DLD: variants seen among roughly 807,000 people sequenced by gnomAD.
DLD encodes dihydrolipoyl dehydrogenase, mitochondrial.
In DLD, 36 loss-of-function variants were observed where a neutral mutation model predicts 62.2. The ratio of observed to expected loss-of-function variants is 0.58; its 90% confidence interval spans 0.44 to 0.76. The LOEUF (loss-of-function observed/expected upper bound fraction) is 0.76. DLD is among the 30% of genes least tolerant of loss of function. DLD has a pLI of 0.00. For synonymous variants in DLD, 204 were observed against 199.6 expected, an observed-to-expected ratio of 1.02 and a Z score of -0.19; for missense variants, 541 against 608.6, an observed-to-expected ratio of 0.89 and a Z score of 1.17.
In DLD at chr7:107,891,185, T is replaced by TGGCGGAGC; in HGVS notation, c.-58_-51dup. 1.3e-6 allele frequency: 2 copies of TGGCGGAGC among 1,598,100 alleles called. No individual in the cohort carries two copies. Among genetic ancestry groups the TGGCGGAGC allele is most frequent in the Non-Finnish European group, 8.6e-7 (1 of 1,166,582 alleles). ...GTGCATGCGCAGGGAGGGGAGACCT[T>TGGCGGAGC]GGCGGAGCGGCGGAGGCGCCCAGCG... is the stretch of plus-strand genomic sequence containing the variant. On this transcript the variant is annotated 5_prime_UTR_variant, in exon 1 of 14. Transcript: ENST00000205402.
chr7:107,903,731 GCCAAGTATAA>G, intron 5 of DLD, 184 bp downstream of exon 5: 1 of 471,580 alleles, frequency 2.1e-6, no homozygotes, highest in Non-Finnish European at 3.9e-6. Flanking sequence ...ATTTCTCCCA[GCCAAGTATAA>G]CCAAGCCTAA....
chr7:107,910,315 G>A (rs746563993), intron 8 of DLD, among the ~76,000 whole-genome samples: 136 of 152,250 alleles, frequency 8.9e-4, no homozygotes, highest in Middle Eastern at 3.4e-3. Flanking sequence ...ATAATATCTC[G>A]AAGCAATAAT....
At chr7:107,894,150 G>A (rs1331388583) in intron 2 of DLD, among the ~76,000 whole-genome samples, 1 of 152,180 alleles carries the variant, frequency 6.6e-6, no homozygotes, top group African/African-American at 2.4e-5. Context: ...ATTTAAAACA[G>A]AAAGTTAATA....
chr7:107,891,545 C>T, intron 1 of DLD: 1 of 597,346 alleles, frequency 1.7e-6, no homozygotes, highest in South Asian at 2.0e-5. Context: ...GGCGGTCACA[C>T]ATGCCACACC....
chr7:107,898,783 G>T (rs1444946908), intron 2 of DLD, among the ~76,000 whole-genome samples: 3 of 148,408 alleles, frequency 2.0e-5, no homozygotes, highest in Admixed American at 1.3e-4. Flanking sequence ...TAGTAGAGAC[G>T]GGGTTTGGTC....
At chr7:107,904,660 C>T (rs1408483798) in intron 5 of DLD, 3 of 498,256 alleles carry the variant, frequency 6.0e-6, no homozygotes, top group Non-Finnish European at 7.8e-6. Flanking sequence ...ACATATCTTC[C>T]AGACTTATAA....
chr7:107,907,679 T>A (rs528768654), intron 8 of DLD, among the ~76,000 whole-genome samples: 1 of 152,360 alleles, frequency 6.6e-6, no homozygotes, highest in African/African-American at 2.4e-5. Context: ...CTTGTATTTT[T>A]CAGTCTTCAA....
intron 3 of DLD, 48 bp from the exon 4 acceptor site, chr7:107,902,277 G>T: frequency 6.6e-7 from 1 of 1,519,094 alleles, no homozygotes; most frequent in South Asian, 1.1e-5. Context: ...TTAGTGATCT[G>T]AAACATTGAG....
intron 9 of DLD, 42 bp downstream of exon 9, chr7:107,915,738 C>T: frequency 6.4e-7 from 1 of 1,572,002 alleles, no homozygotes; most frequent in Non-Finnish European, 8.7e-7. Context: ...ATCCCTGTCT[C>T]TTTAAGCAAA....
intron 8 of DLD, among the ~76,000 whole-genome samples, chr7:107,914,337 T>C (rs368109945): frequency 1.3e-5 from 2 of 152,266 alleles, no homozygotes; most frequent in East Asian, 3.9e-4. Context: ...GGCTTCTGTT[T>C]TTGTGTTCTC....
At chr7:107,917,518 G>A (rs1327969114) in intron 11 of DLD, 56 bp downstream of exon 11, 3 of 1,524,092 alleles carry the variant, frequency 2.0e-6, no homozygotes, top group East Asian at 4.5e-5. Flanking sequence ...CAATGACATT[G>A]GTGGTTGAGA....
intron 13 of DLD, 29 bp from the exon 14 acceptor site, chr7:107,919,165 A>G: frequency 4.3e-6 from 7 of 1,612,826 alleles, no homozygotes; most frequent in Non-Finnish European, 5.1e-6. Flanking sequence ...AAATATTTGG[A>G]TTTTAATTTT....
chr7:107,891,625 A>G, intron 1 of DLD: 1 of 507,758 alleles, frequency 2.0e-6, no homozygotes, highest in Non-Finnish European at 3.6e-6. Flanking sequence ...TAAGCCACCC[A>G]TGTCCCGTAT....
chr7:107,896,072 G>A (rs2031715638), intron 2 of DLD, among the ~76,000 whole-genome samples: 1 of 152,182 alleles, frequency 6.6e-6, no homozygotes, highest in African/African-American at 2.4e-5. Context: ...GCATGGTATT[G>A]GTGAGTAAAC....
Position 107,893,197 on chromosome 7 carries a change from T to C in DLD, c.40-3T>C, listed in dbSNP as rs2116162419. ...ACATAATAGGGACATTTTCTTTTTC[T>C]AGAGAGGCCATTTCAATCGAATATC... On this transcript the variant is annotated splice_region_variant and splice_polypyrimidine_tract_variant and intron_variant, in intron 1 of 13. Coordinates refer to ENST00000205402, the MANE Select transcript of DLD (RefSeq NM_000108.5). The C allele has an allele frequency of 1.2e-6, 2 of 1,612,890 alleles. No homozygotes were observed. The highest frequency in any genetic ancestry group is 8.5e-7 in the Non-Finnish European group (1 of 1,179,168).
At chr7:107,900,676 C>G (rs1222112630) in intron 2 of DLD, among the ~76,000 whole-genome samples, 2 of 152,162 alleles carry the variant, frequency 1.3e-5, no homozygotes, top group Admixed American at 6.5e-5. Flanking sequence ...CTGCAACTCA[C>G]TTGCTGGTTA....
At chr7:107,917,198 G>T (rs1272639995) in intron 10 of DLD, 75 bp from the exon 11 acceptor site, 19 of 1,562,330 alleles carry the variant, frequency 1.2e-5, no homozygotes, top group Non-Finnish European at 4.4e-6. Flanking sequence ...GGAAACTTTT[G>T]TTACCATAAT....
At chr7:107,915,817 A>C (rs1435946388) in intron 9 of DLD, 121 bp downstream of exon 9, 23 of 796,760 alleles carry the variant, frequency 2.9e-5, no homozygotes, top group Admixed American at 1.8e-4. Context: ...TTTATTACTT[A>C]ATATAACTCA....
At chr7:107,913,691 C>G in intron 8 of DLD, among the ~76,000 whole-genome samples, 1 of 152,072 alleles carries the variant, frequency 6.6e-6, no homozygotes, top group Non-Finnish European at 1.5e-5. Flanking sequence ...ATTAATTTGA[C>G]TTCTTCCTTT....
Sources: gnomAD v4.1 joint callset for allele counts (sites outside exome capture counted in the v4.1 genomes callset) on GRCh38, gnomAD v4.1.1 for gene constraint, MANE v1.5 for transcripts, NCBI Gene and HGNC (gene_info 2026-07-23, HGNC 2026-07-21) for gene names.